Variants in ZBTB5 observed in about 807,000 individuals in gnomAD.
ZBTB5 encodes zinc finger and BTB domain-containing protein 5.
Under a neutral mutation model 37.9 loss-of-function variants are expected in ZBTB5, and 15 were observed. The observed-to-expected ratio is 0.40, with a 90% CI of 0.26 to 0.61. The LOEUF is 0.61. ZBTB5 is among the 20% of genes least tolerant of loss of function. The pLI is 0.47. For synonymous variants in ZBTB5, 315 were observed against 312.4 expected (o/e 1.01, Z -0.09); for missense variants, 708 against 856.8 (o/e 0.83, Z 2.17).
chr9:37,462,829 G>A (rs1467404270), intron 1 of ZBTB5, among the ~76,000 whole-genome samples: 1 of 152,052 alleles, frequency 6.6e-6, no homozygotes, highest in Non-Finnish European at 1.5e-5. Flanking sequence ...CTCCCCAATT[G>A]CAGTAATTAC....
In ZBTB5 at chr9:37,442,289, G is replaced by A. The variant is rs1588774501; in HGVS notation, c.263C>T (p.Thr88Ile). Residue 88 changes from threonine (T) to isoleucine (I), a missense_variant, in exon 2 of 2, where the codon ACC becomes ATC. Thr to Ile is a moderately conservative substitution (Grantham distance 89, BLOSUM62 -1). Coordinates refer to ENST00000307750, the MANE Select transcript of ZBTB5 (RefSeq NM_014872.3). ...AALIDMMYTSTLMLGESNVMD... is the reference protein window; with the variant it reads ...AALIDMMYTSILMLGESNVMD... ...TACATTGCTCTCCCCCAGCATGAGG[G>A]TGGAGGTATACATCATGTCAATCAG... is the stretch of plus-strand genomic sequence containing the variant. 6.2e-7 allele frequency: 1 copy of A among 1,614,240 alleles called. No homozygotes were observed. The highest frequency in any genetic ancestry group is 8.5e-7 in the Non-Finnish European group (1 of 1,180,038).
chr9:37,454,532 AG>A (rs1418116818), intron 1 of ZBTB5, among the ~76,000 whole-genome samples: 1 of 152,256 alleles, frequency 6.6e-6, no homozygotes, highest in Non-Finnish European at 1.5e-5. Flanking sequence ...ACAAATATTT[AG>A]GAATTTCAAA....
chr9:37,455,627 T>C (rs1257557502), intron 1 of ZBTB5, among the ~76,000 whole-genome samples: 1 of 152,056 alleles, frequency 6.6e-6, no homozygotes, highest in East Asian at 1.9e-4. Context: ...GTCTCTGTGC[T>C]CCTCCTCCTG....
chr9:37,454,552 T>C (rs961876912), intron 1 of ZBTB5, among the ~76,000 whole-genome samples: 1 of 152,236 alleles, frequency 6.6e-6, no homozygotes, highest in Non-Finnish European at 1.5e-5. Context: ...AAACTAAATA[T>C]AATTAAGAAA....
At chr9:37,450,485 CA>C (rs1426263377) in intron 1 of ZBTB5, among the ~76,000 whole-genome samples, 1 of 152,096 alleles carries the variant, frequency 6.6e-6, no homozygotes, top group East Asian at 1.9e-4. Flanking sequence ...ATGCATTGAG[CA>C]AAACTGGCAG....
At position 37,465,325 on chromosome 9, in the gene ZBTB5, A is replaced by G. The variant is rs375873837; in HGVS notation, c.-115T>C. ...GAACGTCCTGACCAGCGTCTCCGTT[A>G]CGGGACTTCCTCCCCCTTCCACCCG... On this transcript the variant is annotated 5_prime_UTR_variant, in exon 1 of 2. Transcript: ENST00000307750. The G allele has an allele frequency of 2.0e-5, 3 of 151,276 alleles. No homozygotes were observed. The highest frequency in any genetic ancestry group is 7.3e-5 in the African/African-American group (3 of 41,056). 9.4% of individuals were successfully genotyped at this position (151,276 alleles called of 1,614,324 possible).
rs184027288 is a variant in ZBTB5, at chr9:37,455,055, T to C, written c.-5+10160A>G. On this transcript the variant is annotated intron_variant, in intron 1 of 1. Coordinates refer to ENST00000307750, the MANE Select transcript of ZBTB5 (RefSeq NM_014872.3). ...CCTCAAGCCTGGAAACCTGTGGCCC[T>C]AAATGGGAACAGGCATCCCTGTTTT... 3.6e-3 allele frequency among the ~76,000 whole-genome samples: 545 copies of C among 152,276 alleles called. 5 individuals carry two copies. Among genetic ancestry groups the C allele is most frequent in the African/African-American group, 0.012 (519 of 41,552 alleles).
Position 37,441,679 on chromosome 9 carries a change from A to T in ZBTB5, c.873T>A (p.Arg291=). The T allele has an allele frequency of 6.2e-7, 1 of 1,613,878 alleles. No homozygotes were observed. Among genetic ancestry groups the T allele is most frequent in the Non-Finnish European group, 8.5e-7 (1 of 1,179,994 alleles). The change falls in exon 2 of 2, where the codon CGT becomes CGA. Residue 291 remains arginine (R), a synonymous_variant. Transcript: ENST00000307750. ...CAAAACTAGTCTCAACCTGAGTTGC[A>T]CGAGAGGCCATGGACAACTGTGCCA... The part of the protein sequence containing the change: ...GNMAQLSMAS[R]ATQVETSFDQ...
At position 37,442,007 on chromosome 9, in the gene ZBTB5, C is replaced by T. The variant is rs199935508; in HGVS notation, c.545G>A (p.Arg182His). 201 of 1,613,762 alleles carry T rather than the reference C, an allele frequency of 1.2e-4. No individual in the cohort carries two copies. Among genetic ancestry groups the T allele is most frequent in the Non-Finnish European group, 1.5e-4 (174 of 1,180,034 alleles). ...AAGGCGTCTCATGGGGAAGGGCGTGCGCTGATCCAGGTTACTGCGCATGGA... is the reference window on the plus strand; with the variant it reads ...AAGGCGTCTCATGGGGAAGGGCGTGTGCTGATCCAGGTTACTGCGCATGGA... Reference protein sequence around the residue: ...SSSMRSNLDQRTPFPMRRLHK... With the variant: ...SSSMRSNLDQHTPFPMRRLHK... The change falls in exon 2 of 2, where the codon CGC (arginine) becomes CAC (histidine). Residue 182 changes from arginine (R) to histidine (H), a missense_variant. Coordinates refer to ENST00000307750, the MANE Select transcript of ZBTB5 (RefSeq NM_014872.3).
intron 1 of ZBTB5, among the ~76,000 whole-genome samples, chr9:37,458,944 G>A (rs1224094300): frequency 6.6e-6 from 1 of 152,150 alleles, no homozygotes; most frequent in East Asian, 1.9e-4. Flanking sequence ...TACCACTTGT[G>A]GAGTTTTGGT....
At chr9:37,445,664 G>T (rs999251594) in intron 1 of ZBTB5, among the ~76,000 whole-genome samples, 1 of 151,668 alleles carries the variant, frequency 6.6e-6, no homozygotes, top group Non-Finnish European at 1.5e-5. Context: ...AAAGAAAAAA[G>T]AAATATGGAA....
intron 1 of ZBTB5, among the ~76,000 whole-genome samples, chr9:37,457,849 G>A (rs1824220925): frequency 6.6e-6 from 1 of 152,156 alleles, no homozygotes; most frequent in Admixed American, 6.5e-5. Context: ...CGATTTGGCT[G>A]GAAAATAGTA....
rs35680410 is a variant in ZBTB5 at position 37,442,414 on chromosome 9, G to A, written c.138C>T (p.Ser46=). 1,101 of 1,614,130 alleles carry A rather than the reference G, an allele frequency of 6.8e-4. 4 individuals carry two copies. The African/African-American group carries it at 0.013, about 19-fold the overall frequency. ...KAHRSVLAAC[S]THFRALFSVA... ...CTGAGAACAGGGCTCGGAAATGCGT[G>A]CTGCATGCTGCCAGCACGGAGCGGT... Residue 46 remains serine, a synonymous_variant, in exon 2 of 2, where the codon AGC becomes AGT. Transcript: ENST00000307750.
intron 1 of ZBTB5, among the ~76,000 whole-genome samples, chr9:37,456,920 A>G (rs929935980): frequency 6.6e-6 from 1 of 152,266 alleles, no homozygotes; most frequent in Admixed American, 6.5e-5. Context: ...TATCCAAAAT[A>G]AAGATCAAAG....
At chr9:37,459,650 A>G (rs1285082271) in intron 1 of ZBTB5, among the ~76,000 whole-genome samples, 4 of 150,172 alleles carry the variant, frequency 2.7e-5, no homozygotes, top group Non-Finnish European at 5.9e-5. Flanking sequence ...AGTTCAAGCA[A>G]TCCTCCTGCC....
At chr9:37,461,147 C>T (rs1362960222) in intron 1 of ZBTB5, among the ~76,000 whole-genome samples, 1 of 152,130 alleles carries the variant, frequency 6.6e-6, no homozygotes, top group Non-Finnish European at 1.5e-5. Flanking sequence ...ATCTAAGTAA[C>T]TTAAATGTGT....
At chr9:37,460,609 T>C (rs1400783006) in intron 1 of ZBTB5, among the ~76,000 whole-genome samples, 1 of 152,210 alleles carries the variant, frequency 6.6e-6, no homozygotes, top group Non-Finnish European at 1.5e-5. Context: ...CTCACGCCTA[T>C]AATCTCAACA....
At chr9:37,461,861 CATTTT>C (rs1453133696) in intron 1 of ZBTB5, among the ~76,000 whole-genome samples, 2 of 152,094 alleles carry the variant, frequency 1.3e-5, no homozygotes, top group African/African-American at 2.4e-5. Flanking sequence ...GTAAAATGAA[CATTTT>C]ATTTGTTAAT....
rs141061010 is a variant in ZBTB5, at chr9:37,442,136, C to T, written c.416G>A (p.Arg139His). Reference sequence around the variant, plus strand: ...CTGTAGCATAAAGGAGCGCTGCATGCGGGCGCTCTGCTCCTGAACGCGCTC... The same window carrying T: ...CTGTAGCATAAAGGAGCGCTGCATGTGGGCGCTCTGCTCCTGAACGCGCTC... The part of the protein sequence containing the change: ...PSERVQEQSA[R>H]MQRSFMLQQL... The change falls in exon 2 of 2, where the codon CGC becomes CAC. Residue 139 changes from arginine (R) to histidine (H), a missense_variant. Coordinates refer to ENST00000307750, the MANE Select transcript of ZBTB5 (RefSeq NM_014872.3). The T allele has an allele frequency of 3.6e-4, 578 of 1,614,148 alleles. 3 individuals carry two copies. The South Asian group carries it at 4.0e-3, about 11-fold the overall frequency.
Sources: allele counts gnomAD v4.1 joint callset (sites outside exome capture counted in the v4.1 genomes callset), GRCh38; gene constraint gnomAD v4.1.1; transcripts MANE v1.5; gene names NCBI Gene and HGNC (gene_info 2026-07-23, HGNC 2026-07-21).